ZNF226: variants seen among roughly 807,000 people sequenced by gnomAD.
The protein encoded by ZNF226 is Kruppel-associated box protein.
ZNF226 carries 6 observed loss-of-function variants against 11.4 expected under a neutral mutation model. The observed-to-expected ratio is 0.53, with a 90% confidence interval of 0.29 to 1.04. The LOEUF is 1.04. Ranked by LOEUF, ZNF226 falls within the 50% of genes least tolerant of loss-of-function variation. The pLI, the probability that ZNF226 is intolerant of heterozygous loss-of-function variation, is 0.08. For synonymous variants in ZNF226, 350 were observed against 322.8 expected (o/e 1.08, Z -0.90); for missense variants, 1,058 against 956.5 (o/e 1.11, Z -1.40).
At chr19:44,190,948 G>T in the ZNF226 span, among the ~76,000 whole-genome samples, 185 of 152,214 alleles carry the variant, frequency 1.2e-3, 1 homozygote, top group African/African-American at 4.3e-3. Flanking sequence ...ACTATAGATA[G>T]CTTAAGAGAA....
the ZNF226 span, among the ~76,000 whole-genome samples, chr19:44,186,442 T>C: frequency 6.6e-6 from 1 of 152,118 alleles, no homozygotes; most frequent in Non-Finnish European, 1.5e-5. Context: ...GATTAAGTTC[T>C]TTCCTCAGTA....
At chr19:44,172,274 C>T in intron 4 of ZNF226, 60 bp downstream of exon 4, 1 of 1,552,628 alleles carries the variant, frequency 6.4e-7, no homozygotes, top group Non-Finnish European at 8.7e-7. Context: ...GCTTTGTGGC[C>T]CTTGAAATTG....
chr19:44,196,009 G>A, the ZNF226 span, among the ~76,000 whole-genome samples: 1 of 151,910 alleles, frequency 6.6e-6, no homozygotes, highest in African/African-American at 2.4e-5. Flanking sequence ...ATTCCCATTT[G>A]TTAGAATTTT....
At position 44,175,827 on chromosome 19, in the gene ZNF226, C is replaced by G. The variant is rs754030996; in HGVS notation, c.565C>G (p.Gln189Glu). Residue 189 changes from glutamine (Q) to glutamate (E), a missense_variant, in exon 6 of 6, where the codon CAA becomes GAA. By Grantham distance (29) the Gln-to-Glu change is conservative (BLOSUM62 2). Transcript: ENST00000337433. ...GTCACAGAGATTGAACAGAGATCAGCAAATTTCCATAAAAAATAAATTATG... is the reference window on the plus strand; with the variant it reads ...GTCACAGAGATTGAACAGAGATCAGGAAATTTCCATAAAAAATAAATTATG... ...TESQRLNRDQ[Q>E]ISIKNKLCQC... 1 of 1,613,484 alleles carries G rather than the reference C, an allele frequency of 6.2e-7. No homozygotes were observed. Among genetic ancestry groups the G allele is most frequent in the South Asian group, 1.1e-5 (1 of 90,946 alleles).
At chr19:44,186,438 G>C in the ZNF226 span, among the ~76,000 whole-genome samples, 2 of 151,964 alleles carry the variant, frequency 1.3e-5, no homozygotes, top group African/African-American at 4.8e-5. Context: ...ATTTGATTAA[G>C]TTCTTTCCTC....
chr19:44,169,033 G>C (rs905344851), intron 2 of ZNF226, among the ~76,000 whole-genome samples: 2 of 100,686 alleles, frequency 2.0e-5, no homozygotes, highest in African/African-American at 8.9e-5. Context: ...TTTTGAGACA[G>C]AGTCTCACTC....
At chr19:44,184,120 A>G in the ZNF226 span, among the ~76,000 whole-genome samples, 3 of 152,242 alleles carry the variant, frequency 2.0e-5, no homozygotes, top group Non-Finnish European at 4.4e-5. Flanking sequence ...TGCAATGCCT[A>G]AAATATTTAC....
In ZNF226 at chr19:44,176,136, A is replaced by T. The variant is rs200035894; in HGVS notation, c.874A>T (p.Ser292Cys). ...CVERGKGFCYSPVLPVHQKVH... is the reference protein window; with the variant it reads ...CVERGKGFCYCPVLPVHQKVH... Reference sequence around the variant, plus strand: ...TGAGCGTGGAAAAGGCTTCTGTTACAGCCCAGTTCTTCCTGTTCATCAGAA... The same window carrying T: ...TGAGCGTGGAAAAGGCTTCTGTTACTGCCCAGTTCTTCCTGTTCATCAGAA... Residue 292 changes from serine to cysteine, a missense_variant, in exon 6 of 6, where the codon AGC (serine) becomes TGC (cysteine). By Grantham distance (112) the Ser-to-Cys change is moderately radical. Transcript: ENST00000337433. The T allele has an allele frequency of 6.2e-6, 10 of 1,614,196 alleles. No individual in the cohort carries two copies. The highest frequency in any genetic ancestry group is 7.6e-6 in the Non-Finnish European group (9 of 1,180,022).
downstream of ZNF226, among the ~76,000 whole-genome samples, chr19:44,181,666 C>G (rs552208244): frequency 4.9e-4 from 74 of 152,244 alleles, 1 homozygote; most frequent in South Asian, 0.01. Flanking sequence ...AACAGATGAG[C>G]AGATTCCAAC....
At chr19:44,196,892 T>TA in the ZNF226 span, among the ~76,000 whole-genome samples, 1 of 152,170 alleles carries the variant, frequency 6.6e-6, no homozygotes, top group Non-Finnish European at 1.5e-5. Flanking sequence ...TCCTTGTCCC[T>TA]AAAATCCTAG....
At chr19:44,197,619 T>C in the ZNF226 span, among the ~76,000 whole-genome samples, 19 of 152,312 alleles carry the variant, frequency 1.2e-4, no homozygotes, top group Non-Finnish European at 2.6e-4. Flanking sequence ...TAATGACTAA[T>C]GAAGTTGAGC....
chr19:44,186,989 G>A, the ZNF226 span, among the ~76,000 whole-genome samples: 443 of 151,582 alleles, frequency 2.9e-3, 3 homozygotes, highest in African/African-American at 0.01. Context: ...CATGACCTGT[G>A]ATTCTTTTAG....
chr19:44,188,196 CTATCCATAATTGAAAG>C, the ZNF226 span, among the ~76,000 whole-genome samples: 3 of 152,070 alleles, frequency 2.0e-5, no homozygotes, highest in African/African-American at 7.2e-5. Context: ...CTGTCTAGTT[CTATCCATAATTGAAAG>C]TGGGATATTA....
rs552446332 is a variant in ZNF226, at chr19:44,167,632, A to G, written c.-47+1825A>G. ...ACCGTGCCCAGCCAACTTTTTTTAA[A>G]AATATAATTTCAAACTTGTAGAAAA... On this transcript the variant is annotated intron_variant, in intron 2 of 5. Transcript: ENST00000337433. Among the ~76,000 whole-genome samples the G allele has an allele frequency of 5.9e-5, 9 of 152,180 alleles. No individual in the cohort carries two copies. In the South Asian group the frequency reaches 1.2e-3, roughly 21 times the overall value.
At chr19:44,191,598 C>T in the ZNF226 span, among the ~76,000 whole-genome samples, 2 of 151,938 alleles carry the variant, frequency 1.3e-5, no homozygotes. Context: ...AATTATAGGT[C>T]AAAAAGACTT....
the ZNF226 span, among the ~76,000 whole-genome samples, chr19:44,189,396 T>C: frequency 1.2e-4 from 18 of 152,306 alleles, no homozygotes; most frequent in Non-Finnish European, 2.6e-4. Context: ...TTTTGTGTAT[T>C]TGGGTCTCAA....
In ZNF226 at chr19:44,170,184, A is replaced by G. The variant is rs1428444639; in HGVS notation, c.15+89A>G. The G allele has an allele frequency of 4.4e-6, 6 of 1,378,886 alleles. No individual in the cohort carries two copies. In the African/African-American group the frequency reaches 8.6e-5, roughly 20 times the overall value. The allele number at this position is 1,378,886 out of a possible 1,614,324, so 85.4% of individuals were successfully genotyped here. A position where few individuals can be genotyped will look rare whatever the true frequency, so the allele number is the denominator to read the frequency against. On this transcript the variant is annotated intron_variant, in intron 3 of 5. Coordinates refer to ENST00000337433, the MANE Select transcript of ZNF226 (RefSeq NM_001032373.2). The stretch of plus-strand genomic sequence containing the variant: ...GGTTTTTCTTTTTCAAGTAAGAGTC[A>G]AGGCATCTGATGACCTGTTGAGTGT...
chr19:44,173,297 C>CT, intron 5 of ZNF226: 2 of 359,558 alleles, frequency 5.6e-6, no homozygotes, highest in Non-Finnish European at 9.9e-6. Flanking sequence ...TCTATACTCT[C>CT]TTTCTGTGAA....
chr19:44,177,759 A>G (rs1970835696), downstream of ZNF226: 6 of 1,393,228 alleles, frequency 4.3e-6, no homozygotes, highest in South Asian at 7.5e-5. Context: ...CTCATGTCCC[A>G]GTGGTCCAAA....
Sources: allele counts gnomAD v4.1 joint callset (sites outside exome capture counted in the v4.1 genomes callset), GRCh38; gene constraint gnomAD v4.1.1; transcripts MANE v1.5; gene names NCBI Gene and HGNC (gene_info 2026-07-23, HGNC 2026-07-21).